SLC26A5: variants seen among roughly 807,000 people sequenced by gnomAD.
SLC26A5 encodes solute carrier family 26 member 5, also known as prestin.
Under a neutral mutation model 81.0 loss-of-function variants are expected in SLC26A5, and 51 were observed. That is an observed-to-expected ratio of 0.63 (90% CI 0.50 to 0.80). The LOEUF (loss-of-function observed/expected upper bound fraction) is 0.80. Among genes scored for constraint, SLC26A5 ranks in the 30% least tolerant of loss-of-function variants. The pLI, the probability that SLC26A5 is intolerant of heterozygous loss-of-function variation, is 0.00. For missense variants in SLC26A5, 771 were observed against 905.8 expected (o/e 0.85, Z 1.91); for synonymous variants, 325 against 332.8 (o/e 0.98, Z 0.25).
At chr7:103,359,361 CT>C (rs1024044830) in intron 19 of SLC26A5, among the ~76,000 whole-genome samples, 1 of 151,844 alleles carries the variant, frequency 6.6e-6, no homozygotes, top group African/African-American at 2.4e-5. Flanking sequence ...GAGGTTCACT[CT>C]TTTAAAGTAT....
chr7:103,414,519 G>A (rs1317363997), intron 4 of SLC26A5, among the ~76,000 whole-genome samples: 2 of 152,144 alleles, frequency 1.3e-5, no homozygotes, highest in Non-Finnish European at 2.9e-5. Context: ...GGATCATACA[G>A]TATTAAGCTA....
intron 2 of SLC26A5, among the ~76,000 whole-genome samples, chr7:103,435,277 T>C (rs1826369700): frequency 6.6e-6 from 1 of 152,230 alleles, no homozygotes; most frequent in Non-Finnish European, 1.5e-5. Flanking sequence ...TTCTTTTCCC[T>C]GAATGATCTC....
downstream of SLC26A5, chr7:103,374,132 G>C (rs889939265): frequency 8.7e-7 from 1 of 1,149,384 alleles, no homozygotes; most frequent in Non-Finnish European, 1.1e-6. Context: ...TAAATTTTTC[G>C]ATGCTTAGCT....
intron 12 of SLC26A5, 140 bp from the exon 13 acceptor site, chr7:103,389,564 C>T (rs1027672827): frequency 1.4e-6 from 1 of 711,784 alleles, no homozygotes; most frequent in Non-Finnish European, 2.6e-6. Flanking sequence ...AGCTTTGAAG[C>T]CATGAACACC....
At chr7:103,364,774 G>C (rs568577178) in intron 19 of SLC26A5, among the ~76,000 whole-genome samples, 1 of 151,986 alleles carries the variant, frequency 6.6e-6, no homozygotes, top group African/African-American at 2.4e-5. Flanking sequence ...TTTGGAGATA[G>C]GCAACCACTT....
intron 19 of SLC26A5, chr7:103,355,651 A>C (rs770490547): frequency 2.8e-6 from 4 of 1,407,094 alleles, no homozygotes; most frequent in Non-Finnish European, 3.0e-6. Context: ...TTATAGGGTG[A>C]TGCATTACAT....
chr7:103,394,349 T>C (rs950786577), intron 9 of SLC26A5, among the ~76,000 whole-genome samples: 2 of 152,212 alleles, frequency 1.3e-5, no homozygotes, highest in African/African-American at 4.8e-5. Context: ...TAAGTGATTT[T>C]CCTAAACTGT....
At chr7:103,376,636 T>C (rs892195308) in intron 19 of SLC26A5, among the ~76,000 whole-genome samples, 172 bp downstream of exon 19, 2 of 152,194 alleles carry the variant, frequency 1.3e-5, no homozygotes, top group Admixed American at 6.5e-5. Context: ...ACTTGTAATA[T>C]GAATGCCTCC....
chr7:103,362,433 CACTT>C, intron 19 of SLC26A5: 1 of 1,355,090 alleles, frequency 7.4e-7, no homozygotes, highest in Non-Finnish European at 9.5e-7. Flanking sequence ...CATAACAACT[CACTT>C]AGTAAATTAA....
rs1048171164 is a variant in SLC26A5, at chr7:103,410,281, G to A, written c.735+104C>T. 4 of 1,024,040 alleles carry A rather than the reference G, an allele frequency of 3.9e-6. No individual in the cohort carries two copies. The African/African-American group carries it at 4.8e-5, about 12-fold the overall frequency. 63.4% of individuals were successfully genotyped at this position (1,024,040 alleles called of 1,614,324 possible). A position where few individuals can be genotyped will look rare whatever the true frequency, so the allele number is the denominator to read the frequency against. ...TTTTTCCCTTTTTATGGAAATTACT[G>A]GAGAAAAAGAAAAATGAGTCTTGAA... On this transcript the variant is annotated intron_variant, in intron 7 of 19. Coordinates refer to ENST00000306312, the MANE Select transcript of SLC26A5 (RefSeq NM_198999.3).
chr7:103,378,107 G>A (rs1162488129), intron 17 of SLC26A5, among the ~76,000 whole-genome samples: 1 of 151,874 alleles, frequency 6.6e-6, no homozygotes, highest in Non-Finnish European at 1.5e-5. Flanking sequence ...ATTAACTTTA[G>A]TATGATGGGT....
chr7:103,444,179 G>A (rs1827098913), intron 1 of SLC26A5, among the ~76,000 whole-genome samples: 6 of 152,170 alleles, frequency 3.9e-5, no homozygotes, highest in Admixed American at 3.3e-4. Context: ...TGTACTCTGA[G>A]TCACAAAATG....
chr7:103,413,985 T>G (rs567913537), intron 4 of SLC26A5, among the ~76,000 whole-genome samples: 4 of 152,028 alleles, frequency 2.6e-5, no homozygotes, highest in Admixed American at 2.6e-4. Context: ...GACCTATCAC[T>G]ATCACCCAAA....
chr7:103,370,061 G>A (rs570142083), downstream of SLC26A5, among the ~76,000 whole-genome samples: 109 of 152,142 alleles, frequency 7.2e-4, 1 homozygote, highest in South Asian at 2.1e-3. Context: ...GGATTGGAGG[G>A]GTTTCAAAAC....
At chr7:103,409,715 G>GT (rs371646994) in intron 7 of SLC26A5, among the ~76,000 whole-genome samples, 2,451 of 146,250 alleles carry the variant, frequency 0.017, 61 homozygotes, top group African/African-American at 0.058. Context: ...AGCAGGTTTT[G>GT]TTTTTTTTTT....
At chr7:103,409,730 CAG>C (rs760608306) in intron 7 of SLC26A5, among the ~76,000 whole-genome samples, 1 of 151,186 alleles carries the variant, frequency 6.6e-6, no homozygotes, top group Non-Finnish European at 1.5e-5. Context: ...TTTTTTGAGA[CAG>C]AGTCTTGCTC....
chr7:103,375,217 T>C (rs1054745275), intron 19 of SLC26A5, among the ~76,000 whole-genome samples: 3 of 151,312 alleles, frequency 2.0e-5, no homozygotes, highest in African/African-American at 7.3e-5. Context: ...CTTAATTTTT[T>C]TACCACTACA....
At position 103,381,331 on chromosome 7, in the gene SLC26A5, CATAT is replaced by C. The variant is rs1011299399; in HGVS notation, c.1515-786_1515-783del. Among the ~76,000 whole-genome samples, 3 of 151,494 alleles carry C rather than the reference CATAT, an allele frequency of 2.0e-5. No individual in the cohort carries two copies. In the East Asian group the frequency reaches 5.8e-4, roughly 29 times the overall value. On this transcript the variant is annotated intron_variant, in intron 14 of 19. Transcript: ENST00000306312. ...ACATAATGCATGTACACCACACACACATATAAACACAATATACACACACATCACC... is the reference window on the plus strand; with the variant it reads ...ACATAATGCATGTACACCACACACACAAACACAATATACACACACATCACC...
intron 1 of SLC26A5, chr7:103,445,715 CTGGTTTTGTGTAATTCGATT>C (rs1827254638): frequency 6.6e-6 from 1 of 152,278 alleles, no homozygotes; most frequent in Non-Finnish European, 1.5e-5. Context: ...AACTGAGGGC[CTGGTTTTGTGTAATTCGATT>C]TGGATACAAA....
Sources: gnomAD v4.1 joint callset for allele counts (sites outside exome capture counted in the v4.1 genomes callset) on GRCh38, gnomAD v4.1.1 for gene constraint, MANE v1.5 for transcripts, NCBI Gene and HGNC (gene_info 2026-07-23, HGNC 2026-07-21) for gene names.